The following SNRPN variants were observed in gnomAD, a reference collection of about 807,000 sequenced individuals.
SNRPN encodes small nuclear ribonucleoprotein polypeptide N.
SNRPN carries 7 observed loss-of-function variants against 25.2 expected under a neutral mutation model. The ratio of observed to expected loss-of-function variants is 0.28; its 90% confidence interval spans 0.16 to 0.52. SNRPN has a LOEUF of 0.52. SNRPN is among the 20% of genes least tolerant of loss of function. SNRPN has a pLI of 0.96. For synonymous variants in SNRPN, 124 were observed against 110.6 expected (o/e 1.12, Z -0.76); for missense variants, 196 against 322.5 (o/e 0.61, Z 3.00).
intron 3 of SNRPN, among the ~76,000 whole-genome samples, chr15:24,935,333 T>C (rs2061156028): frequency 6.6e-6 from 1 of 152,086 alleles, no homozygotes; most frequent in Non-Finnish European, 1.5e-5. Flanking sequence ...TAAATATAAG[T>C]ACTGATGTAG....
Position 24,978,715 on chromosome 15 carries a change from G to T in SNRPN, c.*271G>T, listed in dbSNP as rs377684752. 3.1e-4 allele frequency: 157 copies of T among 498,532 alleles called. 2 individuals carry two copies. The South Asian group carries it at 4.6e-3, about 15-fold the overall frequency. The allele number at this position is 498,532 out of a possible 1,614,324, so 30.9% of individuals were successfully genotyped here. ...AATTCTTAGGATAAAAAGGTTTTCT[G>T]CTATCTAACTTTCACTTTGTGCATT... is the stretch of plus-strand genomic sequence containing the variant. On this transcript the variant is annotated 3_prime_UTR_variant, in exon 10 of 10. Coordinates refer to ENST00000390687, the MANE Select transcript of SNRPN (RefSeq NM_003097.6).
chr15:24,972,541 CTTTTTTTT>C (rs755600861), intron 3 of SNRPN, among the ~76,000 whole-genome samples: 1 of 112,222 alleles, frequency 8.9e-6, no homozygotes, highest in South Asian at 2.9e-4. Flanking sequence ...TTAGAGTATT[CTTTTTTTT>C]TTTTTTTTTT....
At chr15:24,837,620 C>T (rs1002064378) in intron 2 of SNRPN, among the ~76,000 whole-genome samples, 67 of 152,062 alleles carry the variant, frequency 4.4e-4, no homozygotes, top group Middle Eastern at 3.4e-3. Context: ...CCACCCGCCT[C>T]GGCCACCCAA....
intron 3 of SNRPN, among the ~76,000 whole-genome samples, chr15:24,923,239 T>C (rs2060144578): frequency 1.3e-5 from 2 of 152,104 alleles, no homozygotes; most frequent in African/African-American, 4.8e-5. Context: ...ATTGTTTGGG[T>C]TGTGTCTAGT....
chr15:24,960,606 G>A (rs1476416339), intron 1 of SNRPN, among the ~76,000 whole-genome samples: 1 of 152,068 alleles, frequency 6.6e-6, no homozygotes, highest in Non-Finnish European at 1.5e-5. Flanking sequence ...CTGCCTCATT[G>A]GGATTTTGAT....
chr15:24,862,869 A>C (rs1322031977), intron 1 of SNRPN, among the ~76,000 whole-genome samples: 1 of 150,460 alleles, frequency 6.6e-6, no homozygotes, highest in Non-Finnish European at 1.5e-5. Context: ...TCAGGGCATG[A>C]GATAAGGGCA....
chr15:24,972,384 A>G lies in SNRPN; in HGVS notation c.-143-1927A>G, dbSNP rs1436756950. 2.6e-5 allele frequency among the ~76,000 whole-genome samples: 4 copies of G among 152,138 alleles called. No homozygotes were observed. In the East Asian group the frequency reaches 7.7e-4, roughly 29 times the overall value. ...AGTTATAGTCCTTAAACTCTTACTC[A>G]TATTTAGGACAGAAACTACATTTAA... On this transcript the variant is annotated intron_variant, in intron 3 of 9. Coordinates refer to ENST00000390687, the MANE Select transcript of SNRPN (RefSeq NM_003097.6).
intron 2 of SNRPN, 104 bp from the exon 3 acceptor site, chr15:24,967,828 A>AAT: frequency 9.8e-6 from 8 of 819,912 alleles, no homozygotes; most frequent in South Asian, 1.6e-5. Context: ...AAAAAAAAAA[A>AAT]GGAATATCTT....
intron 2 of SNRPN, among the ~76,000 whole-genome samples, chr15:24,834,150 T>G (rs4509994): frequency 0.57 from 86,216 of 151,886 alleles, 24,828 homozygotes; most frequent in East Asian, 0.82. Context: ...TGTCTCAAAC[T>G]CCTGACCTCG....
intron 2 of SNRPN, chr15:24,909,611 C>T: frequency 1.6e-6 from 2 of 1,224,358 alleles, no homozygotes; most frequent in Non-Finnish European, 2.4e-6. Flanking sequence ...TATCATATCC[C>T]CCTCTATATG....
At chr15:24,857,894 G>C (rs946679258) in intron 1 of SNRPN, among the ~76,000 whole-genome samples, 1 of 152,112 alleles carries the variant, frequency 6.6e-6, no homozygotes, top group African/African-American at 2.4e-5. Context: ...GTAGGGGGTC[G>C]GAAAGTGGGG....
chr15:24,878,424 G>T (rs897863206), intron 1 of SNRPN, among the ~76,000 whole-genome samples: 5 of 152,216 alleles, frequency 3.3e-5, no homozygotes, highest in African/African-American at 4.8e-5. Flanking sequence ...TCTTCGGCGC[G>T]CCTGCACAGC....
At chr15:24,967,553 A>C (rs2075819624) in intron 2 of SNRPN, among the ~76,000 whole-genome samples, 1 of 151,950 alleles carries the variant, frequency 6.6e-6, no homozygotes, top group Non-Finnish European at 1.5e-5. Flanking sequence ...GACACTGGAG[A>C]ATGGCGTGAA....
Position 24,974,411 on chromosome 15 carries a change from T to C in SNRPN, c.-43T>C. The C allele has an allele frequency of 6.2e-7, 1 of 1,606,984 alleles. No individual in the cohort carries two copies. Among genetic ancestry groups the C allele is most frequent in the South Asian group, 1.1e-5 (1 of 90,950 alleles). On this transcript the variant is annotated 5_prime_UTR_variant, in exon 4 of 10. Transcript: ENST00000390687. ...GCCTTCCCCTAGGTCTTCAGAAGCA[T>C]CAAGTTTTAACTGTGGACATTGGAT...
intron 1 of SNRPN, among the ~76,000 whole-genome samples, chr15:24,880,295 G>T (rs556840120): frequency 6.6e-6 from 1 of 152,124 alleles, no homozygotes; most frequent in East Asian, 1.9e-4. Context: ...CTAAAAGAGG[G>T]GGGTGGTGGT....
Position 24,970,172 on chromosome 15 carries a change from A to G in SNRPN, c.-144+2090A>G, listed in dbSNP as rs372921572. 9.9e-5 allele frequency among the ~76,000 whole-genome samples: 15 copies of G among 152,236 alleles called. No homozygotes were observed. In the East Asian group the frequency reaches 2.7e-3, roughly 27 times the overall value. On this transcript the variant is annotated intron_variant, in intron 3 of 9. Transcript: ENST00000390687. ...TGGGGAAGGGATCAGTCTAAGAGTCATGTTAAAGTCTGCTGTGGAGGAAGA... is the reference window on the plus strand; with the variant it reads ...TGGGGAAGGGATCAGTCTAAGAGTCGTGTTAAAGTCTGCTGTGGAGGAAGA...
intron 3 of SNRPN, chr15:24,921,047 A>C (rs2059996039): frequency 6.6e-6 from 1 of 152,202 alleles, no homozygotes; most frequent in South Asian, 2.1e-4. Flanking sequence ...GGTCAGTGAC[A>C]GTCCATGATT....
intron 2 of SNRPN, among the ~76,000 whole-genome samples, chr15:24,837,169 G>A (rs951210735): frequency 6.6e-6 from 1 of 151,934 alleles, no homozygotes; most frequent in East Asian, 1.9e-4. Context: ...AAGGACTACC[G>A]AGAGGTAAAG....
chr15:24,896,465 C>G (rs1464880973), intron 2 of SNRPN, among the ~76,000 whole-genome samples: 1 of 152,062 alleles, frequency 6.6e-6, no homozygotes, highest in Non-Finnish European at 1.5e-5. Flanking sequence ...TCAGATGAGC[C>G]ACTTAAAATG....
Sources: allele counts gnomAD v4.1 joint callset (sites outside exome capture counted in the v4.1 genomes callset), GRCh38; gene constraint gnomAD v4.1.1; transcripts MANE v1.5; gene names NCBI Gene and HGNC (gene_info 2026-07-23, HGNC 2026-07-21).